The following PDE4D variants were observed in gnomAD, a reference collection of about 807,000 sequenced individuals.
PDE4D encodes 3',5'-cyclic-AMP phosphodiesterase 4D.
In PDE4D, 24 loss-of-function variants were observed where a neutral mutation model predicts 87.4. The observed-to-expected ratio is 0.27, with a 90% CI of 0.20 to 0.39. The LOEUF (loss-of-function observed/expected upper bound fraction) is 0.39, where lower values mean the gene tolerates loss of function less well. Ranked by LOEUF, PDE4D falls within the 10% of genes least tolerant of loss-of-function variation. The pLI, the probability that PDE4D is intolerant of heterozygous loss-of-function variation, is 1.00. For synonymous variants in PDE4D, 384 were observed against 383.2 expected (o/e 1.00, Z -0.02); for missense variants, 714 against 1,041.0 (o/e 0.69, Z 4.32).
At chr5:60,515,001 C>A (rs1021477893) in intron 1 of PDE4D, among the ~76,000 whole-genome samples, 1 of 152,076 alleles carries the variant, frequency 6.6e-6, no homozygotes, top group African/African-American at 2.4e-5. Context: ...ATAGAAAAAT[C>A]AACTGTATTT....
intron 5 of PDE4D, among the ~76,000 whole-genome samples, chr5:59,093,154 T>A (rs1315865061): frequency 6.6e-6 from 1 of 150,812 alleles, no homozygotes; most frequent in Non-Finnish European, 1.5e-5. Context: ...GGAGAGTAAA[T>A]TCCAAGAGAA....
intron 1 of PDE4D, among the ~76,000 whole-genome samples, chr5:60,318,561 T>C (rs1210053588): frequency 6.6e-6 from 1 of 152,236 alleles, no homozygotes; most frequent in Admixed American, 6.5e-5. Flanking sequence ...TGTTAGTTGA[T>C]GCAGTTTCTT....
At chr5:60,046,351 C>T (rs60199646) in intron 2 of PDE4D, among the ~76,000 whole-genome samples, 1 of 152,012 alleles carries the variant, frequency 6.6e-6, no homozygotes, top group Non-Finnish European at 1.5e-5. Context: ...AATTGAATAC[C>T]CTTTATTTCC....
chr5:58,994,339 CT>C (rs948888978), intron 6 of PDE4D, among the ~76,000 whole-genome samples: 5 of 152,152 alleles, frequency 3.3e-5, no homozygotes, highest in African/African-American at 1.2e-4. Context: ...TTTTACACTT[CT>C]CCCACCCCCA....
chr5:59,758,634 C>T (rs1259876154), intron 1 of PDE4D, among the ~76,000 whole-genome samples: 1 of 152,066 alleles, frequency 6.6e-6, no homozygotes, highest in Admixed American at 6.6e-5. Context: ...ATACATTTCC[C>T]TATCTGTTAC....
At chr5:60,476,623 C>T (rs1442660405) in intron 1 of PDE4D, among the ~76,000 whole-genome samples, 1 of 152,156 alleles carries the variant, frequency 6.6e-6, no homozygotes, top group Non-Finnish European at 1.5e-5. Flanking sequence ...GTCTCCCCCA[C>T]CTCATTTCCT....
intron 6 of PDE4D, among the ~76,000 whole-genome samples, chr5:59,000,721 C>T (rs749852334): frequency 9.2e-5 from 14 of 152,224 alleles, no homozygotes; most frequent in African/African-American, 1.4e-4. Context: ...GACAGAGTCT[C>T]GCTGTCGCCC....
intron 3 of PDE4D, among the ~76,000 whole-genome samples, chr5:59,948,216 C>T (rs1320679486): frequency 6.6e-6 from 1 of 152,130 alleles, no homozygotes; most frequent in Admixed American, 6.5e-5. Flanking sequence ...GTTATTCTAC[C>T]AGGTTTTCCC....
intron 3 of PDE4D, among the ~76,000 whole-genome samples, chr5:59,911,077 A>G (rs1753389280): frequency 6.6e-6 from 1 of 152,352 alleles, no homozygotes; most frequent in East Asian, 1.9e-4. Context: ...TTTAGTTTAT[A>G]GTTTAACTTT....
intron 2 of PDE4D, among the ~76,000 whole-genome samples, chr5:59,211,570 G>T (rs1294569078): frequency 6.6e-6 from 1 of 151,986 alleles, no homozygotes; most frequent in East Asian, 1.9e-4. Context: ...CAAATTATGT[G>T]CTCCTAGAAA....
At chr5:59,767,443 A>C (rs1249855201) in intron 1 of PDE4D, among the ~76,000 whole-genome samples, 1 of 151,854 alleles carries the variant, frequency 6.6e-6, no homozygotes. Context: ...ATAAGCTCAC[A>C]TGATGGTCTG....
At position 59,777,731 on chromosome 5, in the gene PDE4D, G is replaced by T. The variant is rs532243684; in HGVS notation, c.455+115437C>A. Among the ~76,000 whole-genome samples the T allele has an allele frequency of 2.6e-5, 4 of 152,260 alleles. No individual in the cohort carries two copies. The South Asian group carries it at 8.3e-4, about 32-fold the overall frequency. On this transcript the variant is annotated intron_variant, in intron 1 of 14. Coordinates refer to ENST00000340635, the MANE Select transcript of PDE4D (RefSeq NM_001104631.2). ...TATTTCTTTATATTCAGGCATTTGTGTAATGTTTAAATTCACTGCTGATAT... is the reference window on the plus strand; with the variant it reads ...TATTTCTTTATATTCAGGCATTTGTTTAATGTTTAAATTCACTGCTGATAT...
At chr5:60,111,208 G>A (rs904401399) in intron 2 of PDE4D, among the ~76,000 whole-genome samples, 3 of 151,804 alleles carry the variant, frequency 2.0e-5, no homozygotes, top group African/African-American at 7.3e-5. Context: ...TGATGTATAC[G>A]CTAATTACCC....
chr5:59,104,367 A>G (rs1205334693), intron 5 of PDE4D, among the ~76,000 whole-genome samples: 2 of 152,242 alleles, frequency 1.3e-5, no homozygotes, highest in African/African-American at 2.4e-5. Flanking sequence ...TAAGCGTTGG[A>G]TAACCAAGGT....
At chr5:59,653,897 G>T (rs1743931771) in intron 1 of PDE4D, among the ~76,000 whole-genome samples, 1 of 151,352 alleles carries the variant, frequency 6.6e-6, no homozygotes, top group Non-Finnish European at 1.5e-5. Flanking sequence ...GGAGAAGGGT[G>T]GGAGGGGAGG....
chr5:59,404,733 A>T (rs1423135350), intron 1 of PDE4D, among the ~76,000 whole-genome samples: 2 of 151,156 alleles, frequency 1.3e-5, no homozygotes, highest in Non-Finnish European at 2.9e-5. Flanking sequence ...TTCTTTCAAT[A>T]GTTTTATAGT....
chr5:60,497,402 T>G (rs1749864519), intron 1 of PDE4D, among the ~76,000 whole-genome samples: 1 of 151,664 alleles, frequency 6.6e-6, no homozygotes, highest in African/African-American at 2.4e-5. Flanking sequence ...TCTTTTTTTT[T>G]GTTTTTGTTT....
rs181696013 is a variant in PDE4D at position 60,268,085 on chromosome 5, G to A, written c.-89-82398C>T. Among the ~76,000 whole-genome samples, 217 of 152,174 alleles carry A rather than the reference G, an allele frequency of 1.4e-3. 4 individuals carry two copies. The highest frequency in any genetic ancestry group is 3.4e-3 in the Middle Eastern group (1 of 294). On this transcript the variant is annotated intron_variant, in intron 1 of 16. Transcript: ENST00000502484. ...GTGCAGGCACCAGGTAGAGAGAACC[G>A]CTACAGCACCAAGCACAATGAAAAA... is the stretch of plus-strand genomic sequence containing the variant.
intron 2 of PDE4D, among the ~76,000 whole-genome samples, chr5:60,013,836 C>A (rs1765250856): frequency 2.0e-5 from 3 of 151,326 alleles, no homozygotes; most frequent in African/African-American, 7.3e-5. Context: ...CTTTAAAACA[C>A]CTTCCCTTGG....
Sources: allele counts gnomAD v4.1 joint callset (sites outside exome capture counted in the v4.1 genomes callset), GRCh38; gene constraint gnomAD v4.1.1; transcripts MANE v1.5; gene names NCBI Gene and HGNC (gene_info 2026-07-23, HGNC 2026-07-21).